Variants in SLC8A1 observed in about 807,000 individuals in gnomAD.
SLC8A1 encodes the protein sodium/calcium exchanger 1.
Under a neutral mutation model 68.3 loss-of-function variants are expected in SLC8A1, and 18 were observed. The ratio of observed to expected loss-of-function variants is 0.26; its 90% CI spans 0.18 to 0.39. The LOEUF (loss-of-function observed/expected upper bound fraction) is 0.39, where lower values mean the gene tolerates loss of function less well. SLC8A1 is among the 10% of genes least tolerant of loss of function. The pLI, the probability that SLC8A1 is intolerant of heterozygous loss-of-function variation, is 1.00. For synonymous variants in SLC8A1, 475 were observed against 415.5 expected, an observed-to-expected ratio of 1.14 and a Z score of -1.74; for missense variants, 985 against 1,156.7, an observed-to-expected ratio of 0.85 and a Z score of 2.15.
At chr2:40,252,597 G>C (rs180978661) in intron 2 of SLC8A1, among the ~76,000 whole-genome samples, 94 of 152,174 alleles carry the variant, frequency 6.2e-4, no homozygotes, top group African/African-American at 2.2e-3. Flanking sequence ...GCCTCCCAAA[G>C]TGCTGGGATG....
chr2:40,200,789 T>C (rs2054221791), intron 2 of SLC8A1, among the ~76,000 whole-genome samples: 1 of 151,916 alleles, frequency 6.6e-6, no homozygotes, highest in South Asian at 2.1e-4. Context: ...AGAGACTTTG[T>C]CCTTAATTGA....
Position 40,486,621 on chromosome 2 carries a change from C to A in SLC8A1, c.-25+25728G>T, listed in dbSNP as rs530742937. Among the ~76,000 whole-genome samples the A allele has an allele frequency of 2.0e-5, 3 of 151,942 alleles. No individual in the cohort carries two copies. The East Asian group carries it at 5.8e-4, about 29-fold the overall frequency. ...CACACAGATAATATATCAATGAATA[C>A]AAGTTAGAAAGAATGGGTAGAAAAA... is the stretch of plus-strand genomic sequence containing the variant. On this transcript the variant is annotated intron_variant, in intron 1 of 7. Coordinates refer to the SLC8A1 transcript ENST00000402441.
chr2:40,248,435 C>T (rs985139219), intron 2 of SLC8A1, among the ~76,000 whole-genome samples: 37 of 152,268 alleles, frequency 2.4e-4, no homozygotes, highest in Admixed American at 1.8e-3. Context: ...TACCATCACA[C>T]CACCTGCAGG....
exon 8 of SLC8A1, chr2:40,107,498 A>AT (rs1279829039): frequency 4.6e-5 from 7 of 152,052 alleles, no homozygotes; most frequent in Non-Finnish European, 1.0e-4. Context: ...GGCCCTAAAG[A>AT]TTTTCTGTCA....
rs10713257 is a variant in SLC8A1, at chr2:40,119,334, TAAA to T, written c.2438-3708_2438-3706del. Among the ~76,000 whole-genome samples the T allele has an allele frequency of 3.4e-5, 5 of 148,442 alleles. No homozygotes were observed. The South Asian group carries it at 6.4e-4, about 19-fold the overall frequency. On this transcript the variant is annotated intron_variant, in intron 7 of 7. Coordinates refer to ENST00000406785, the Ensembl canonical transcript of SLC8A1. ...TTTTATTTTCAATTCAAAAGCAATG[TAAA>T]AAAAAAAAAAATTGCAGGAACACAC...
Position 40,511,384 on chromosome 2 carries a change from G to A in SLC8A1, c.-25+965C>T, listed in dbSNP as rs575821456. ...TGTTTGGCAGGAGTTCACAGACTTT[G>A]CTAACAATTTTAACAGATATGCTTT... is the stretch of plus-strand genomic sequence containing the variant. On this transcript the variant is annotated intron_variant, in intron 1 of 7. Transcript: ENST00000402441. Among the ~76,000 whole-genome samples the A allele has an allele frequency of 1.0e-3, 153 of 152,172 alleles. 4 individuals carry two copies. The South Asian group carries it at 0.03, about 30-fold the overall frequency.
At chr2:40,467,657 G>A (rs1196543770) in intron 1 of SLC8A1, among the ~76,000 whole-genome samples, 1 of 152,084 alleles carries the variant, frequency 6.6e-6, no homozygotes, top group Non-Finnish European at 1.5e-5. Flanking sequence ...TAACTGCATA[G>A]TGTCGGTCTT....
intron 2 of SLC8A1, among the ~76,000 whole-genome samples, chr2:40,348,784 G>A (rs1292237008): frequency 2.6e-5 from 4 of 152,124 alleles, no homozygotes; most frequent in African/African-American, 4.8e-5. Context: ...AGAGGGAAGC[G>A]GTATTCAGTC....
Position 40,463,887 on chromosome 2 carries a change from CAT to C in SLC8A1, c.-24-33585_-24-33584del, listed in dbSNP as rs1553620612. 3.6e-3 allele frequency among the ~76,000 whole-genome samples: 390 copies of C among 108,590 alleles called. 1 individual carries two copies. Among genetic ancestry groups the C allele is most frequent in the African/African-American group, 0.012 (331 of 26,932 alleles). The allele number at this position is 108,590 out of a possible 152,430, so 71.2% of individuals were successfully genotyped here. ...ACACACACACACACACACACACACA[CAT>C]ATATATATAGAGAGAGAGACAGATT... On this transcript the variant is annotated intron_variant, in intron 1 of 7. Coordinates refer to the SLC8A1 transcript ENST00000402441.
chr2:40,471,509 C>T (rs181610131), intron 1 of SLC8A1, among the ~76,000 whole-genome samples: 2 of 152,238 alleles, frequency 1.3e-5, no homozygotes, highest in Admixed American at 1.3e-4. Context: ...GGCGTACTAC[C>T]TCCCACCCCT....
intron 1 of SLC8A1, among the ~76,000 whole-genome samples, chr2:40,481,192 C>T (rs1704605244): frequency 6.6e-6 from 1 of 152,152 alleles, no homozygotes; most frequent in African/African-American, 2.4e-5. Context: ...TTTTAAAGAA[C>T]ATAGTTTACC....
chr2:40,114,685 A>T (rs2035015944), exon 8 of SLC8A1: 1 of 152,532 alleles, frequency 6.6e-6, no homozygotes, highest in Admixed American at 6.5e-5. Flanking sequence ...CATTCCGGAG[A>T]TAAGCATGAA....
chr2:40,475,180 C>T (rs931692250), intron 1 of SLC8A1, among the ~76,000 whole-genome samples: 3 of 152,154 alleles, frequency 2.0e-5, no homozygotes, highest in Non-Finnish European at 4.4e-5. Context: ...GTCGCCCAGG[C>T]TGGAGTGCAG....
intron 7 of SLC8A1, among the ~76,000 whole-genome samples, chr2:40,119,280 T>C (rs976126432): frequency 2.0e-5 from 3 of 152,180 alleles, no homozygotes; most frequent in Non-Finnish European, 2.9e-5. Flanking sequence ...TTTTATTTAC[T>C]TGGGTTAGAC....
At chr2:40,228,864 G>A (rs569625751) in intron 2 of SLC8A1, among the ~76,000 whole-genome samples, 1 of 152,246 alleles carries the variant, frequency 6.6e-6, no homozygotes, top group East Asian at 1.9e-4. Flanking sequence ...AGAGAAATTT[G>A]CAGAATGTTT....
intron 2 of SLC8A1, among the ~76,000 whole-genome samples, chr2:40,231,365 T>A (rs1235532204): frequency 6.6e-6 from 1 of 152,188 alleles, no homozygotes; most frequent in Non-Finnish European, 1.5e-5. Context: ...ATATACCTGA[T>A]CCACATCTAC....
chr2:40,492,780 C>G (rs1241835067), intron 1 of SLC8A1, among the ~76,000 whole-genome samples: 7 of 148,772 alleles, frequency 4.7e-5, no homozygotes, highest in Admixed American at 2.0e-4. Flanking sequence ...AAATGCAAAT[C>G]AAAACCACAA....
chr2:40,387,412 A>G (rs1233707289), intron 2 of SLC8A1, among the ~76,000 whole-genome samples: 2 of 151,240 alleles, frequency 1.3e-5, no homozygotes, highest in Non-Finnish European at 2.9e-5. Context: ...TGAACTGGCT[A>G]AAGTTTCCAA....
chr2:40,506,353 G>T (rs1479514484), intron 1 of SLC8A1, among the ~76,000 whole-genome samples: 2 of 151,794 alleles, frequency 1.3e-5, no homozygotes, highest in Admixed American at 6.6e-5. Flanking sequence ...AGTTTTGGGG[G>T]CATATACTTT....
Sources: gnomAD v4.1 joint callset for allele counts (sites outside exome capture counted in the v4.1 genomes callset) on GRCh38, gnomAD v4.1.1 for gene constraint, MANE v1.5 for transcripts, NCBI Gene and HGNC (gene_info 2026-07-23, HGNC 2026-07-21) for gene names.